The following PLEKHA6 variants were observed in gnomAD, a reference collection of about 807,000 sequenced individuals.
The protein encoded by PLEKHA6 is pleckstrin homology domain-containing family A member 6.
In PLEKHA6, 60 loss-of-function variants were observed where a neutral mutation model predicts 116.7. The observed-to-expected ratio is 0.51, with a 90% CI of 0.42 to 0.64. The LOEUF is 0.64. PLEKHA6 is among the 30% of genes least tolerant of loss of function. PLEKHA6 has a pLI of 0.00. For missense variants in PLEKHA6, 1,338 were observed against 1,422.7 expected (o/e 0.94, Z 0.96); for synonymous variants, 489 against 556.1 (o/e 0.88, Z 1.70).
intron 1 of PLEKHA6, among the ~76,000 whole-genome samples, chr1:204,373,431 G>C (rs1019511184): frequency 6.6e-6 from 1 of 152,042 alleles, no homozygotes; most frequent in Non-Finnish European, 1.5e-5. Context: ...TGTTGCCCAG[G>C]TTGGTTACAA....
intron 1 of PLEKHA6, among the ~76,000 whole-genome samples, chr1:204,376,440 G>T (rs1370822459): frequency 3.3e-5 from 5 of 152,112 alleles, no homozygotes; most frequent in African/African-American, 1.2e-4. Flanking sequence ...TCTGACTTAG[G>T]GTCAAGAACT....
intron 1 of PLEKHA6, among the ~76,000 whole-genome samples, chr1:204,320,220 G>A (rs1363031193): frequency 1.3e-5 from 2 of 152,172 alleles, no homozygotes; most frequent in African/African-American, 4.8e-5. Context: ...CTATTTAATG[G>A]AGGCTCGGTG....
At chr1:204,328,825 C>T (rs1186094171) in intron 1 of PLEKHA6, among the ~76,000 whole-genome samples, 2 of 152,088 alleles carry the variant, frequency 1.3e-5, no homozygotes, top group Admixed American at 6.5e-5. Context: ...CTACTATATC[C>T]CAGGCACTGT....
At chr1:204,349,957 T>C (rs1013676406) in intron 1 of PLEKHA6, among the ~76,000 whole-genome samples, 3 of 152,230 alleles carry the variant, frequency 2.0e-5, no homozygotes, top group Non-Finnish European at 4.4e-5. Flanking sequence ...CCACTTACAG[T>C]AAGGGTAACA....
At chr1:204,375,647 A>G (rs1449069580) in intron 1 of PLEKHA6, among the ~76,000 whole-genome samples, 1 of 152,072 alleles carries the variant, frequency 6.6e-6, no homozygotes, top group Admixed American at 6.5e-5. Context: ...AAGCTGCCAG[A>G]GACAAGGCTC....
At chr1:204,340,467 T>TG (rs1297548601) in intron 1 of PLEKHA6, among the ~76,000 whole-genome samples, 1 of 152,118 alleles carries the variant, frequency 6.6e-6, no homozygotes, top group Non-Finnish European at 1.5e-5. Flanking sequence ...CCAGCACAAC[T>TG]GCGGAGAGGC....
intron 1 of PLEKHA6, among the ~76,000 whole-genome samples, chr1:204,321,499 G>T (rs899185648): frequency 6.6e-6 from 1 of 150,972 alleles, no homozygotes; most frequent in African/African-American, 2.4e-5. Flanking sequence ...TAGTTCCGGC[G>T]CCCATGCTTC....
intron 1 of PLEKHA6, among the ~76,000 whole-genome samples, chr1:204,358,585 G>A (rs1398921659): frequency 6.6e-6 from 1 of 152,198 alleles, no homozygotes; most frequent in Non-Finnish European, 1.5e-5. Context: ...CACCATGCAG[G>A]AGACCCTCAG....
rs1224924239 is a variant in PLEKHA6, at chr1:204,343,389, AC to A, written c.-95+16304del. ...CTCTCAACAACTCTATGAGGTAAGT[AC>A]CATCATCACTCACATTTTACAGATG... On this transcript the variant is annotated intron_variant, in intron 1 of 22. Coordinates refer to ENST00000272203, the MANE Select transcript of PLEKHA6 (RefSeq NM_014935.5). 4.6e-5 allele frequency among the ~76,000 whole-genome samples: 7 copies of A among 152,340 alleles called. No homozygotes were observed. In the East Asian group the frequency reaches 1.2e-3, roughly 25 times the overall value.
intron 1 of PLEKHA6, among the ~76,000 whole-genome samples, chr1:204,345,343 C>G (rs4245731): frequency 0.54 from 82,448 of 151,782 alleles, 25,565 homozygotes; most frequent in East Asian, 0.82. Context: ...ACAAGGAGGC[C>G]AGGACAGCTT....
rs561637918 is a variant in PLEKHA6, at chr1:204,315,125, T to C, written c.-94-40316A>G. On this transcript the variant is annotated intron_variant, in intron 1 of 22. Transcript: ENST00000272203. ...TACAGCAGGAATGGTTTAGGTTAGA[T>C]AGTAAGAATCACTTGAAATGGGTGA... Among the ~76,000 whole-genome samples the C allele has an allele frequency of 3.7e-3, 570 of 152,338 alleles. 5 individuals are homozygous for C. Among genetic ancestry groups the C allele is most frequent in the Non-Finnish European group, 5.0e-3 (341 of 68,028 alleles).
chr1:204,294,770 T>C (rs1342167381), intron 1 of PLEKHA6, among the ~76,000 whole-genome samples: 1 of 152,234 alleles, frequency 6.6e-6, no homozygotes, highest in African/African-American at 2.4e-5. Context: ...CGGGATAATA[T>C]ACGGACCTTC....
At chr1:204,327,008 T>C in intron 1 of PLEKHA6, 2 of 985,308 alleles carry the variant, frequency 2.0e-6, no homozygotes, top group South Asian at 9.4e-5. Flanking sequence ...TAGGGATTTG[T>C]GGACAAAGCA....
intron 1 of PLEKHA6, among the ~76,000 whole-genome samples, chr1:204,357,723 G>A (rs114673444): frequency 0.017 from 2,509 of 151,722 alleles, 66 homozygotes; most frequent in African/African-American, 0.055. Context: ...CTCGGAGAAC[G>A]GAACCGCAGC....
At chr1:204,315,621 G>A (rs2103195958) in intron 1 of PLEKHA6, among the ~76,000 whole-genome samples, 1 of 152,270 alleles carries the variant, frequency 6.6e-6, no homozygotes, top group South Asian at 2.1e-4. Flanking sequence ...GAAGTTGTAG[G>A]CATATGTTAG....
chr1:204,363,538 T>C (rs551924930), upstream of PLEKHA6, among the ~76,000 whole-genome samples: 3 of 152,190 alleles, frequency 2.0e-5, no homozygotes, highest in East Asian at 5.8e-4. Flanking sequence ...CCTGTCAACC[T>C]TGGGGAAGGA....
Position 204,261,822 on chromosome 1 carries a change from A to C in PLEKHA6, c.382-374T>G. 2.7e-6 allele frequency: 1 copy of C among 370,876 alleles called. No homozygotes were observed. Among genetic ancestry groups the C allele is most frequent in the Non-Finnish European group, 4.8e-6 (1 of 207,644 alleles). The allele number at this position is 370,876 out of a possible 1,614,324, so 23.0% of individuals were successfully genotyped here. A position where few individuals can be genotyped will look rare whatever the true frequency, so the allele number is the denominator to read the frequency against. Reference sequence around the variant, plus strand: ...AATGACCCCATGTCTGGGAGAGAGGACCCCCTGAGCACATGCCAATCTTAG... The same window carrying C: ...AATGACCCCATGTCTGGGAGAGAGGCCCCCCTGAGCACATGCCAATCTTAG... On this transcript the variant is annotated intron_variant, in intron 6 of 22. Coordinates refer to ENST00000272203, the MANE Select transcript of PLEKHA6 (RefSeq NM_014935.5). The surrounding 1 kb of genome is among the most constrained non-coding windows in gnomAD (Gnocchi z 4.0).
chr1:204,336,394 T>G lies in PLEKHA6; in HGVS notation c.-95+23300A>C, dbSNP rs1308533708. Among the ~76,000 whole-genome samples, 5 of 152,224 alleles carry G rather than the reference T, an allele frequency of 3.3e-5. No homozygotes were observed. In the South Asian group the frequency reaches 8.3e-4, roughly 25 times the overall value. ...GCTTGAAATGCAAGGTCTTTTACAATCCAGCCCCAACTTATTTATCCAATA... is the reference window on the plus strand; with the variant it reads ...GCTTGAAATGCAAGGTCTTTTACAAGCCAGCCCCAACTTATTTATCCAATA... On this transcript the variant is annotated intron_variant, in intron 1 of 22. Coordinates refer to ENST00000272203, the MANE Select transcript of PLEKHA6 (RefSeq NM_014935.5).
intron 1 of PLEKHA6, among the ~76,000 whole-genome samples, chr1:204,352,010 G>A (rs778979273): frequency 5.3e-5 from 8 of 152,114 alleles, no homozygotes; most frequent in Non-Finnish European, 1.0e-4. Context: ...GCAGGCGGAG[G>A]TTGCAGTGAG....
Sources: gnomAD v4.1 joint callset for allele counts (sites outside exome capture counted in the v4.1 genomes callset) on GRCh38, gnomAD v4.1.1 for gene constraint, Gnocchi (gnomAD v3.1) non-coding constraint, MANE v1.5 for transcripts, NCBI Gene and HGNC (gene_info 2026-07-23, HGNC 2026-07-21) for gene names.